Variants in TRPC5 observed in about 807,000 individuals in gnomAD.
TRPC5 encodes the protein short transient receptor potential channel 5.
Under a neutral mutation model 56.5 loss-of-function variants are expected in TRPC5, and 9 were observed. The ratio of observed to expected loss-of-function variants is 0.16; its 90% CI spans 0.10 to 0.28. The LOEUF is 0.28. Ranked by LOEUF, TRPC5 falls within the 10% of genes least tolerant of loss-of-function variation. The pLI, the probability that TRPC5 is intolerant of heterozygous loss-of-function variation, is 1.00. For missense variants in TRPC5, 469 were observed against 748.9 expected (o/e 0.63, Z 4.36); for synonymous variants, 282 against 278.5 (o/e 1.01, Z -0.13).
chrX:112,068,554 G>A lies in TRPC5; in HGVS notation c.-22+13325C>T. ...CTACAGGGGCAAACAAAGAGCTTGAGGTTCTGGCTTCTGACATCTGCCTGC... is the reference window on the plus strand; with the variant it reads ...CTACAGGGGCAAACAAAGAGCTTGAAGTTCTGGCTTCTGACATCTGCCTGC... On this transcript the variant is annotated intron_variant, in intron 1 of 10. Coordinates refer to ENST00000262839, the MANE Select transcript of TRPC5 (RefSeq NM_012471.3). Among the ~76,000 whole-genome samples, 3 of 112,265 alleles carry A rather than the reference G, an allele frequency of 2.7e-5. No individual in the cohort carries two copies. The South Asian group carries it at 1.1e-3, about 42-fold the overall frequency.
chrX:111,813,211 C>T (rs1318309578), intron 7 of TRPC5, among the ~76,000 whole-genome samples: 4 of 112,326 alleles, frequency 3.6e-5, no homozygotes, highest in African/African-American at 1.3e-4. Flanking sequence ...CTCCACTTTC[C>T]ACAGTGTTTA....
chrX:111,856,081 C>T (rs902516149), intron 3 of TRPC5, among the ~76,000 whole-genome samples: 3 of 111,303 alleles, frequency 2.7e-5, no homozygotes, highest in African/African-American at 9.8e-5. Flanking sequence ...GAGAGGATCG[C>T]ATGGCTAAGG....
At chrX:111,860,064 A>G (rs762702679) in intron 3 of TRPC5, among the ~76,000 whole-genome samples, 2 of 95,382 alleles carry the variant, frequency 2.1e-5, no homozygotes, top group African/African-American at 1.3e-4. Flanking sequence ...GCCCGCCACC[A>G]CGACCGGCTA....
chrX:112,008,854 T>C, intron 1 of TRPC5, among the ~76,000 whole-genome samples: 1 of 111,570 alleles, frequency 9.0e-6, no homozygotes, highest in Non-Finnish European at 1.9e-5. Flanking sequence ...CTTAATCATA[T>C]TGAGAGAAGC....
intron 3 of TRPC5, among the ~76,000 whole-genome samples, chrX:111,867,815 G>A (rs1423993520): frequency 8.9e-6 from 1 of 111,951 alleles, no homozygotes; most frequent in Admixed American, 9.5e-5. Context: ...CTTCCCCGCC[G>A]TAGCATCCCC....
At chrX:112,051,258 C>G (rs1189778074) in intron 1 of TRPC5, among the ~76,000 whole-genome samples, 1 of 112,359 alleles carries the variant, frequency 8.9e-6, no homozygotes, top group East Asian at 2.8e-4. Flanking sequence ...GTTCCTCCAC[C>G]TCTGGGGCTG....
intron 1 of TRPC5, among the ~76,000 whole-genome samples, chrX:112,069,944 G>T (rs1307663629): frequency 1.8e-5 from 2 of 111,992 alleles, no homozygotes; most frequent in African/African-American, 6.5e-5. Context: ...TCCTTCAGCA[G>T]TATCATTCTC....
chrX:111,974,739 T>TGACTATATGAG (rs1569528962), intron 1 of TRPC5, among the ~76,000 whole-genome samples: 1 of 111,079 alleles, frequency 9.0e-6, no homozygotes. Flanking sequence ...ATATGAGCTG[T>TGACTATATGAG]CTGGAAAATC....
chrX:112,052,247 C>T (rs1335127086), intron 1 of TRPC5, among the ~76,000 whole-genome samples: 2 of 111,009 alleles, frequency 1.8e-5, no homozygotes, highest in African/African-American at 6.6e-5. Flanking sequence ...ATCAACAGCA[C>T]ATAAGGGATC....
At chrX:111,796,400 T>G (rs1478170896) in intron 7 of TRPC5, among the ~76,000 whole-genome samples, 1 of 111,790 alleles carries the variant, frequency 8.9e-6, no homozygotes, top group African/African-American at 3.2e-5. Context: ...CTTTCTTGCT[T>G]TTTTGCGTGT....
At chrX:111,866,185 A>G (rs1822766011) in intron 3 of TRPC5, among the ~76,000 whole-genome samples, 1 of 113,769 alleles carries the variant, frequency 8.8e-6, no homozygotes, top group South Asian at 3.5e-4. Flanking sequence ...TATCTTCCCC[A>G]TTGGCCTTGC....
At chrX:111,887,191 G>A (rs1002098215) in intron 3 of TRPC5, among the ~76,000 whole-genome samples, 18 of 112,542 alleles carry the variant, frequency 1.6e-4, no homozygotes, top group South Asian at 3.7e-4. Flanking sequence ...TTGCTTTGGA[G>A]AACTGTTTGG....
intron 3 of TRPC5, among the ~76,000 whole-genome samples, chrX:111,869,267 C>G (rs1450841364): frequency 9.0e-6 from 1 of 111,013 alleles, no homozygotes; most frequent in Non-Finnish European, 1.9e-5. Context: ...TACATGTACT[C>G]TCTGTCTAGC....
At chrX:112,075,776 T>C (rs1019796564) in intron 1 of TRPC5, among the ~76,000 whole-genome samples, 2 of 111,580 alleles carry the variant, frequency 1.8e-5, no homozygotes, top group Non-Finnish European at 3.8e-5. Context: ...AATGGGGCCA[T>C]GCACTAAGGA....
At chrX:111,944,317 A>T (rs1213058691) in intron 2 of TRPC5, among the ~76,000 whole-genome samples, 556 of 104,250 alleles carry the variant, frequency 5.3e-3, no homozygotes, top group Non-Finnish European at 9.4e-3. Context: ...AGAGAGAGAG[A>T]GAGAGAGAGA....
chrX:111,950,991 T>C (rs184174494), intron 2 of TRPC5, among the ~76,000 whole-genome samples: 3 of 112,236 alleles, frequency 2.7e-5, no homozygotes, highest in Non-Finnish European at 3.8e-5. Flanking sequence ...TGCACAGGAA[T>C]GGCAGGCTCA....
At chrX:111,926,961 T>C (rs1178104217) in intron 2 of TRPC5, among the ~76,000 whole-genome samples, 3 of 112,123 alleles carry the variant, frequency 2.7e-5, no homozygotes, top group Non-Finnish European at 5.6e-5. Flanking sequence ...ACTGCGTCAG[T>C]ATAATGTAAA....
At chrX:112,073,084 GTTC>G (rs1930753480) in intron 1 of TRPC5, among the ~76,000 whole-genome samples, 1 of 111,896 alleles carries the variant, frequency 8.9e-6, no homozygotes, top group African/African-American at 3.2e-5. Flanking sequence ...AGCAGGGCGT[GTTC>G]TTCTTGTGAA....
intron 1 of TRPC5, among the ~76,000 whole-genome samples, chrX:112,026,221 T>C (rs912649329): frequency 2.7e-5 from 3 of 111,994 alleles, no homozygotes; most frequent in Non-Finnish European, 5.6e-5. Flanking sequence ...CCCCCTGTGA[T>C]TGTATCCACC....
Sources: allele counts gnomAD v4.1 joint callset (sites outside exome capture counted in the v4.1 genomes callset), GRCh38; gene constraint gnomAD v4.1.1; transcripts MANE v1.5; gene names NCBI Gene and HGNC (gene_info 2026-07-23, HGNC 2026-07-21).